The following TTC7B variants were observed in gnomAD, a reference collection of about 807,000 sequenced individuals.
The protein encoded by TTC7B is tetratricopeptide repeat domain 7B.
Under a neutral mutation model 106.8 loss-of-function variants are expected in TTC7B, and 28 were observed. That is an observed-to-expected ratio of 0.26 (90% CI 0.19 to 0.36). The LOEUF is 0.36. Ranked by LOEUF, TTC7B falls within the 10% of genes least tolerant of loss-of-function variation. The probability of loss-of-function intolerance (pLI) is 1.00; values close to 1 mark genes in which losing one functional copy is unlikely to be tolerated. For synonymous variants in TTC7B, 405 were observed against 430.6 expected (o/e 0.94, Z 0.74); for missense variants, 862 against 1,076.4 (o/e 0.80, Z 2.79).
chr14:90,781,270 G>C (rs1386719368), intron 2 of TTC7B, among the ~76,000 whole-genome samples: 3 of 152,266 alleles, frequency 2.0e-5, no homozygotes, highest in South Asian at 2.1e-4. Context: ...TCTAGAGTTA[G>C]AAAACAGATT....
At chr14:90,668,827 C>CTTTTT (rs11291974) in intron 9 of TTC7B, among the ~76,000 whole-genome samples, 6 of 88,528 alleles carry the variant, frequency 6.8e-5, no homozygotes, top group Admixed American at 1.4e-4. Context: ...AAAATTTCAA[C>CTTTTT]TTTTTTTTTT....
intron 8 of TTC7B, 87 bp from the exon 9 acceptor site, chr14:90,676,747 C>T: frequency 6.9e-7 from 1 of 1,459,260 alleles, no homozygotes; most frequent in African/African-American, 1.4e-5. Context: ...CTGCCCCTAC[C>T]AATTTGCGAA....
intron 3 of TTC7B, among the ~76,000 whole-genome samples, chr14:90,774,219 G>A (rs1038977840): frequency 4.6e-5 from 7 of 152,170 alleles, no homozygotes; most frequent in Non-Finnish European, 7.4e-5. Context: ...GTCTGTAGCC[G>A]CTCCGCTCAC....
intron 5 of TTC7B, among the ~76,000 whole-genome samples, chr14:90,723,682 G>C (rs1273723514): frequency 6.6e-6 from 1 of 152,114 alleles, no homozygotes; most frequent in Non-Finnish European, 1.5e-5. Flanking sequence ...ACCTGGCCAG[G>C]CCACCCTATC....
chr14:90,714,026 G>A lies in TTC7B; in HGVS notation c.698+16049C>T, dbSNP rs1039341092. ...GCAGATCACCTGAGGTCGGGAGTTC[G>A]AGACCAGCCTGACTAACATGGAGAA... On this transcript the variant is annotated intron_variant, in intron 5 of 19. Coordinates refer to ENST00000328459, the MANE Select transcript of TTC7B (RefSeq NM_001010854.2). 8.4e-4 allele frequency among the ~76,000 whole-genome samples: 128 copies of A among 152,116 alleles called. 10 individuals are homozygous for A. Among genetic ancestry groups the A allele is most frequent in the Non-Finnish European group, 1.5e-5 (1 of 68,022 alleles).
intron 15 of TTC7B, among the ~76,000 whole-genome samples, chr14:90,619,536 A>G (rs562623627): frequency 1.6e-4 from 24 of 152,360 alleles, no homozygotes; most frequent in Admixed American, 3.3e-4. Flanking sequence ...AGTATGTGCC[A>G]TATTAGCTGG....
rs1382596904 is a variant in TTC7B at position 90,537,961 on chromosome 14, A to G, written c.*3407T>C. On this transcript the variant is annotated 3_prime_UTR_variant, in exon 20 of 20. Coordinates refer to ENST00000328459, the MANE Select transcript of TTC7B (RefSeq NM_001010854.2). ...TATTTGTTGGATGAATGAATGAGTGAATGAATGAATGAAATTTCACAGATG... is the reference window on the plus strand; with the variant it reads ...TATTTGTTGGATGAATGAATGAGTGGATGAATGAATGAAATTTCACAGATG... 6.6e-6 allele frequency: 1 copy of G among 152,230 alleles called. No homozygotes were observed. Among genetic ancestry groups the G allele is most frequent in the Non-Finnish European group, 1.5e-5 (1 of 68,056 alleles). 9.4% of individuals were successfully genotyped at this position (152,230 alleles called of 1,614,324 possible).
At position 90,706,098 on chromosome 14, in the gene TTC7B, C is replaced by T. The variant is rs116591177; in HGVS notation, c.699-10520G>A. Among the ~76,000 whole-genome samples, 605 of 152,198 alleles carry T rather than the reference C, an allele frequency of 4.0e-3. 6 individuals are homozygous for T. Among genetic ancestry groups the T allele is most frequent in the African/African-American group, 0.014 (582 of 41,502 alleles). Reference sequence around the variant, plus strand: ...TTCAACACTTTCAGCATCAATCTCCCGGGAGTTACTAAGTGGTGACATTCT... The same window carrying T: ...TTCAACACTTTCAGCATCAATCTCCTGGGAGTTACTAAGTGGTGACATTCT... On this transcript the variant is annotated intron_variant, in intron 5 of 19. Transcript: ENST00000328459.
intron 6 of TTC7B, among the ~76,000 whole-genome samples, chr14:90,691,324 A>G (rs1477538257): frequency 6.6e-6 from 1 of 152,140 alleles, no homozygotes; most frequent in Non-Finnish European, 1.5e-5. Context: ...CTCTCAGGGT[A>G]TTAACCTTCC....
chr14:90,550,060 C>T (rs998172760), intron 19 of TTC7B, among the ~76,000 whole-genome samples: 7 of 152,202 alleles, frequency 4.6e-5, no homozygotes, highest in East Asian at 1.9e-4. Context: ...AAGAATACAC[C>T]GCCTTCTAAC....
chr14:90,692,982 G>T (rs1887533507), intron 6 of TTC7B, among the ~76,000 whole-genome samples: 2 of 151,918 alleles, frequency 1.3e-5, no homozygotes, highest in South Asian at 4.2e-4. Context: ...GGAAAGCCCA[G>T]CTTGGCCATC....
At chr14:90,749,113 C>T (rs188202403) in intron 3 of TTC7B, among the ~76,000 whole-genome samples, 13 of 152,148 alleles carry the variant, frequency 8.5e-5, no homozygotes, top group Non-Finnish European at 1.3e-4. Flanking sequence ...ATCACCCTTA[C>T]GTTTGTTCAT....
At chr14:90,798,880 C>G (rs929745922) in intron 1 of TTC7B, among the ~76,000 whole-genome samples, 2 of 152,038 alleles carry the variant, frequency 1.3e-5, no homozygotes, top group African/African-American at 4.8e-5. Context: ...ACCATATACC[C>G]TATAATTCGA....
chr14:90,573,622 T>G (rs1167092959), intron 19 of TTC7B, among the ~76,000 whole-genome samples: 4 of 144,168 alleles, frequency 2.8e-5, no homozygotes, highest in African/African-American at 7.8e-5. Flanking sequence ...GGTCCCTCTC[T>G]GGCTCATGGT....
chr14:90,712,127 C>A (rs540278397), intron 5 of TTC7B, among the ~76,000 whole-genome samples: 1 of 152,236 alleles, frequency 6.6e-6, no homozygotes, highest in East Asian at 1.9e-4. Context: ...GTAAGACAGA[C>A]TTTAAATCAA....
chr14:90,667,923 A>T (rs1196731123), intron 9 of TTC7B, among the ~76,000 whole-genome samples: 1 of 152,162 alleles, frequency 6.6e-6, no homozygotes, highest in Non-Finnish European at 1.5e-5. Flanking sequence ...GCTGGATAAA[A>T]CATAGATTTT....
chr14:90,546,949 C>T (rs1054745310), intron 19 of TTC7B, among the ~76,000 whole-genome samples: 6 of 152,358 alleles, frequency 3.9e-5, no homozygotes, highest in Non-Finnish European at 5.9e-5. Context: ...AGGTAGCTAG[C>T]GGCAGAGCTG....
In TTC7B at chr14:90,802,549, C is replaced by T. The variant is rs994010868; in HGVS notation, c.121+13626G>A. ...GGAGTTTCCTAATTGCTTTTATTTC[C>T]TCAGTAAAGTATGAGGCAAGGTCAT... is the stretch of plus-strand genomic sequence containing the variant. On this transcript the variant is annotated intron_variant, in intron 1 of 19. Coordinates refer to ENST00000328459, the MANE Select transcript of TTC7B (RefSeq NM_001010854.2). The surrounding 1 kb of genome is among the most constrained non-coding windows in gnomAD (Gnocchi z 4.7). 2.0e-5 allele frequency among the ~76,000 whole-genome samples: 3 copies of T among 152,116 alleles called. No individual in the cohort carries two copies. The highest frequency in any genetic ancestry group is 7.2e-5 in the African/African-American group (3 of 41,406).
chr14:90,644,546 T>A (rs756158544), intron 14 of TTC7B, among the ~76,000 whole-genome samples: 2 of 152,234 alleles, frequency 1.3e-5, no homozygotes, highest in African/African-American at 4.8e-5. Context: ...ACAAAACTGA[T>A]CTACTTTTGA....
Sources: gnomAD v4.1 joint callset for allele counts (sites outside exome capture counted in the v4.1 genomes callset) on GRCh38, gnomAD v4.1.1 for gene constraint, Gnocchi (gnomAD v3.1) non-coding constraint, MANE v1.5 for transcripts, NCBI Gene and HGNC (gene_info 2026-07-23, HGNC 2026-07-21) for gene names.